PCYT1B: variants seen among roughly 807,000 people sequenced by gnomAD.
The protein encoded by PCYT1B is choline-phosphate cytidylyltransferase B.
PCYT1B carries 10 observed loss-of-function variants against 26.4 expected under a neutral mutation model. The ratio of observed to expected loss-of-function variants is 0.38; its 90% CI spans 0.23 to 0.64. PCYT1B has a LOEUF of 0.64. Ranked by LOEUF, PCYT1B falls within the 30% of genes least tolerant of loss-of-function variation. The pLI, the probability that PCYT1B is intolerant of heterozygous loss-of-function variation, is 0.56. For missense variants in PCYT1B, 161 were observed against 292.7 expected, an observed-to-expected ratio of 0.55 and a Z score of 3.28; for synonymous variants, 131 against 108.4, an observed-to-expected ratio of 1.21 and a Z score of -1.29.
intron 1 of PCYT1B, among the ~76,000 whole-genome samples, chrX:24,630,769 T>C (rs1926055473): frequency 8.9e-6 from 1 of 112,205 alleles, no homozygotes; most frequent in Non-Finnish European, 1.9e-5. Flanking sequence ...AAATAGCTAT[T>C]GAGGAAAAAG....
chrX:24,610,078 T>C (rs998676085), intron 2 of PCYT1B, among the ~76,000 whole-genome samples: 4 of 110,630 alleles, frequency 3.6e-5, no homozygotes, highest in East Asian at 2.8e-4. Flanking sequence ...GTGGCAGAGA[T>C]AGACCGTGTC....
intron 1 of PCYT1B, among the ~76,000 whole-genome samples, chrX:24,620,551 G>A (rs1482336856): frequency 8.9e-6 from 1 of 112,069 alleles, no homozygotes; most frequent in Non-Finnish European, 1.9e-5. Context: ...AGACCACAGT[G>A]GCATTTGTAA....
chrX:24,578,085 A>G (rs1239859882), intron 6 of PCYT1B, among the ~76,000 whole-genome samples: 3 of 111,561 alleles, frequency 2.7e-5, no homozygotes, highest in Non-Finnish European at 5.6e-5. Flanking sequence ...CTTGGAACCA[A>G]CCCAAACGCC....
upstream of PCYT1B, chrX:24,672,819 C>T (rs1927281947): frequency 7.4e-6 from 3 of 405,352 alleles, no homozygotes; most frequent in Non-Finnish European, 1.3e-5. Flanking sequence ...ATTTGAGTTG[C>T]TAGGCACTCT....
intron 1 of PCYT1B, among the ~76,000 whole-genome samples, chrX:24,631,004 G>C (rs1200548294): frequency 2.7e-5 from 3 of 111,160 alleles, no homozygotes; most frequent in African/African-American, 6.5e-5. Context: ...CTCACTGCAA[G>C]CTCTGCCTCC....
chrX:24,565,413 G>A (rs777122830), intron 7 of PCYT1B, among the ~76,000 whole-genome samples: 18 of 111,499 alleles, frequency 1.6e-4, no homozygotes, highest in Non-Finnish European at 3.0e-4. Flanking sequence ...GGGTAGAAGA[G>A]GTGGTCATGT....
intron 6 of PCYT1B, among the ~76,000 whole-genome samples, chrX:24,576,989 C>G (rs1924037814): frequency 8.9e-6 from 1 of 111,971 alleles, no homozygotes; most frequent in Admixed American, 9.5e-5. Flanking sequence ...ACAGTTCATT[C>G]TGCACTGGAA....
chrX:24,614,512 A>G (rs1436122041), intron 2 of PCYT1B, among the ~76,000 whole-genome samples: 1 of 111,625 alleles, frequency 9.0e-6, no homozygotes, highest in Admixed American at 9.5e-5. Flanking sequence ...CCTGGCCAAC[A>G]TGGCGAAACC....
intron 6 of PCYT1B, 112 bp downstream of exon 6, chrX:24,579,204 A>T: frequency 3.4e-6 from 2 of 596,741 alleles, no homozygotes; most frequent in Non-Finnish European, 5.1e-6. Flanking sequence ...AAAAAAAGAG[A>T]GAGAGAGAGG....
intron 1 of PCYT1B, among the ~76,000 whole-genome samples, chrX:24,657,566 C>T (rs943972113): frequency 8.9e-6 from 1 of 112,192 alleles, no homozygotes; most frequent in African/African-American, 3.2e-5. Flanking sequence ...CTCTTAGTCA[C>T]AATCACTGTT....
At chrX:24,672,406 T>C (rs1927274008) in intron 1 of PCYT1B, among the ~76,000 whole-genome samples, 1 of 112,003 alleles carries the variant, frequency 8.9e-6, no homozygotes, top group South Asian at 3.7e-4. Context: ...TTTTTCTTTG[T>C]CTTTTTTTAA....
intron 1 of PCYT1B, among the ~76,000 whole-genome samples, chrX:24,624,565 A>G (rs916135179): frequency 7.2e-5 from 8 of 111,768 alleles, no homozygotes; most frequent in African/African-American, 2.0e-4. Context: ...GGCTTCCCCA[A>G]TGGACTGCAC....
At chrX:24,610,124 T>C (rs1304160874) in intron 2 of PCYT1B, among the ~76,000 whole-genome samples, 5 of 110,800 alleles carry the variant, frequency 4.5e-5, no homozygotes, top group African/African-American at 1.3e-4. Context: ...ATGTATTACA[T>C]TGATGTTATA....
intron 1 of PCYT1B, among the ~76,000 whole-genome samples, chrX:24,637,019 A>G (rs902257215): frequency 4.5e-5 from 5 of 111,384 alleles, no homozygotes; most frequent in Non-Finnish European, 9.4e-5. Context: ...AGAACATCCT[A>G]ATACTAGTTT....
At chrX:24,651,454 CAA>C (rs1188690484), upstream of PCYT1B, among the ~76,000 whole-genome samples, 29 of 11,025 alleles carry the variant, frequency 2.6e-3, no homozygotes, top group East Asian at 6.6e-3. Flanking sequence ...GATGCCATCT[CAA>C]AAAAAAAAAA....
Position 24,560,674 on chromosome X carries a change from C to T in PCYT1B, c.*1619G>A, listed in dbSNP as rs1221864292. 9.0e-6 allele frequency: 1 copy of T among 111,230 alleles called. No homozygotes were observed. 9.2% of individuals were successfully genotyped at this position (111,230 alleles called of 1,213,427 possible). A position where few individuals can be genotyped will look rare whatever the true frequency, so the allele number is the denominator to read the frequency against. On this transcript the variant is annotated 3_prime_UTR_variant, in exon 8 of 8. Coordinates refer to ENST00000379144, the MANE Select transcript of PCYT1B (RefSeq NM_004845.5). ...CCCAACAAGAAGGGGAAAGACATGC[C>T]GCCTTCCTTCACTGGTTGTCCCCTT...
intron 1 of PCYT1B, chrX:24,632,527 C>T: frequency 7.6e-6 from 1 of 132,364 alleles, no homozygotes. Context: ...CTTGTGCCTG[C>T]TGCCTAGGGA....
rs1411282804 is a variant in PCYT1B at position 24,559,599 on chromosome X, C to T, written c.*2694G>A. 1 of 111,713 alleles carries T rather than the reference C, an allele frequency of 9.0e-6. No homozygotes were observed. The highest frequency in any genetic ancestry group is 1.9e-5 in the Non-Finnish European group (1 of 53,131). 9.2% of individuals were successfully genotyped at this position (111,713 alleles called of 1,213,427 possible). On this transcript the variant is annotated 3_prime_UTR_variant, in exon 8 of 8. Transcript: ENST00000379144. The stretch of plus-strand genomic sequence containing the variant: ...AGTCCTAAGTTGCTATCCTCCAGCC[C>T]TCATTCTGAAGCTTCCTTTCCTCAC...
intron 2 of PCYT1B, among the ~76,000 whole-genome samples, chrX:24,613,324 T>C (rs1395733984): frequency 8.9e-6 from 1 of 112,353 alleles, no homozygotes; most frequent in Non-Finnish European, 1.9e-5. Context: ...TAGTTACATA[T>C]TTATTTTATA....
Sources: allele counts gnomAD v4.1 joint callset (sites outside exome capture counted in the v4.1 genomes callset), GRCh38; gene constraint gnomAD v4.1.1; transcripts MANE v1.5; gene names NCBI Gene and HGNC (gene_info 2026-07-23, HGNC 2026-07-21).